WDFY1: variants seen among roughly 807,000 people sequenced by gnomAD.
The protein encoded by WDFY1 is WD repeat and FYVE domain-containing protein 1.
WDFY1 carries 32 observed loss-of-function variants against 56.4 expected under a neutral mutation model. The ratio of observed to expected loss-of-function variants is 0.57; its 90% CI spans 0.43 to 0.76. WDFY1 has a LOEUF of 0.76. Ranked by LOEUF, WDFY1 falls within the 30% of genes least tolerant of loss-of-function variation. The pLI is 0.00. For missense variants in WDFY1, 480 were observed against 545.7 expected (o/e 0.88, Z 1.20); for synonymous variants, 192 against 197.3 (o/e 0.97, Z 0.23).
chr2:223,937,392 C>G (rs1689204952), intron 1 of WDFY1, among the ~76,000 whole-genome samples: 1 of 152,126 alleles, frequency 6.6e-6, no homozygotes, highest in Admixed American at 6.5e-5. Flanking sequence ...CTTTCTCTGT[C>G]CCAGTCTTTA....
intron 1 of WDFY1, among the ~76,000 whole-genome samples, chr2:223,940,636 T>C (rs1689285520): frequency 1.4e-5 from 2 of 145,266 alleles, no homozygotes; most frequent in Non-Finnish European, 3.1e-5. Flanking sequence ...CCAAATTCCT[T>C]ATTTCTTTCT....
rs752988091 is a variant in WDFY1, at chr2:223,884,691, T to C, written c.890A>G (p.Asn297Ser). Residue 297 changes from asparagine to serine, a missense_variant, in exon 9 of 12, where the codon AAC becomes AGC. Transcript: ENST00000233055. The part of the protein sequence containing the change: ...CQKCEQPFFW[N>S]IKQMWDTKTL... ...CTTGGTGTCCCACATCTGCTTTATG[T>C]TCCAGAAAAATGGCTGCTCACATTT... The C allele has an allele frequency of 1.2e-6, 2 of 1,614,156 alleles. No homozygotes were observed. The highest frequency in any genetic ancestry group is 2.7e-5 in the African/African-American group (2 of 75,048).
chr2:223,882,095 G>A (rs749700443), intron 9 of WDFY1, 23 bp from the exon 10 acceptor site: 3 of 1,608,374 alleles, frequency 1.9e-6, no homozygotes, highest in African/African-American at 1.3e-5. Context: ...CCGGGAGGAG[G>A]AAAACAGGGT....
intron 8 of WDFY1, among the ~76,000 whole-genome samples, chr2:223,890,759 C>A: frequency 6.6e-6 from 1 of 152,210 alleles, no homozygotes; most frequent in East Asian, 1.9e-4. Context: ...GCACTCGTCA[C>A]ACTGCACTAG....
intron 4 of WDFY1, among the ~76,000 whole-genome samples, chr2:223,903,869 T>C (rs1281625196): frequency 1.3e-5 from 2 of 151,984 alleles, no homozygotes; most frequent in African/African-American, 2.4e-5. Context: ...CTCAAACTCC[T>C]TGGCTTCTCA....
rs890697573 is a variant in WDFY1, at chr2:223,881,528, G to A, written c.1064+414C>T. ...TTAGGGGCCAGGCACGGTGGCTCGC[G>A]CCTGTAATCCTGGCACTTTGAGAGG... On this transcript the variant is annotated intron_variant, in intron 10 of 11. Transcript: ENST00000233055. Among the ~76,000 whole-genome samples the A allele has an allele frequency of 2.0e-5, 3 of 152,174 alleles. No individual in the cohort carries two copies. In the South Asian group the frequency reaches 6.2e-4, roughly 31 times the overall value.
chr2:223,897,363 TATATATATATATATATATA>T (rs1693400410), intron 6 of WDFY1, among the ~76,000 whole-genome samples: 1 of 26,428 alleles, frequency 3.8e-5, no homozygotes, highest in Admixed American at 3.9e-4. Context: ...TATATATATA[TATATATATATATATATATA>T]TATATATATT....
chr2:223,937,243 A>AT (rs942071227), intron 1 of WDFY1, among the ~76,000 whole-genome samples: 2 of 152,198 alleles, frequency 1.3e-5, no homozygotes, highest in Admixed American at 6.5e-5. Flanking sequence ...AACAGGAAAA[A>AT]TTTTTTTATT....
intron 1 of WDFY1, among the ~76,000 whole-genome samples, chr2:223,938,834 AAG>A (rs1689246492): frequency 1.3e-5 from 2 of 149,552 alleles, no homozygotes; most frequent in South Asian, 4.2e-4. Flanking sequence ...GACAAAAAAA[AAG>A]AGGATAAAAT....
chr2:223,878,449 A>G lies in WDFY1; in HGVS notation c.*222T>C. 1 of 434,702 alleles carries G rather than the reference A, an allele frequency of 2.3e-6. No individual in the cohort carries two copies. The highest frequency in any genetic ancestry group is 4.1e-6 in the Non-Finnish European group (1 of 241,232). 26.9% of individuals were successfully genotyped at this position (434,702 alleles called of 1,614,324 possible). ...GGGGAAGTTTTGCTGAAGTAATTCC[A>G]GTCTTCAGGGAACCACTATGGACAG... On this transcript the variant is annotated 3_prime_UTR_variant, in exon 12 of 12. Coordinates refer to ENST00000233055, the MANE Select transcript of WDFY1 (RefSeq NM_020830.5).
In WDFY1 at chr2:223,912,293, C is replaced by T. The variant is rs769983135; in HGVS notation, c.239G>A (p.Ser80Asn). The part of the protein sequence containing the change: ...PCSAMAYHHD[S>N]RRIFVGQDNG... ...ATCCTGGCCCACAAATATCCGTCTG[C>T]TGTCATGATGGTAAGCCATAGCAGA... Residue 80 changes from serine (S) to asparagine (N), a missense_variant, in exon 3 of 12, where the codon AGC (serine) becomes AAC (asparagine). Physicochemically the swap from Ser to Asn is conservative, Grantham distance 46 (BLOSUM62 1). Coordinates refer to ENST00000233055, the MANE Select transcript of WDFY1 (RefSeq NM_020830.5). 1 of 1,611,036 alleles carries T rather than the reference C, an allele frequency of 6.2e-7. No homozygotes were observed. The highest frequency in any genetic ancestry group is 1.7e-5 in the Admixed American group (1 of 59,142).
intron 6 of WDFY1, among the ~76,000 whole-genome samples, chr2:223,897,507 G>A (rs1007930400): frequency 4.6e-5 from 7 of 151,518 alleles, no homozygotes; most frequent in Non-Finnish European, 8.8e-5. Context: ...GCCTCCCTGA[G>A]TAGCTGGGAC....
At chr2:223,889,696 G>A (rs1010463939) in intron 8 of WDFY1, among the ~76,000 whole-genome samples, 4 of 152,102 alleles carry the variant, frequency 2.6e-5, no homozygotes, top group African/African-American at 9.7e-5. Flanking sequence ...CCAGTCTCAG[G>A]CATATCTTTA....
chr2:223,906,253 T>C (rs1177588347), intron 3 of WDFY1, among the ~76,000 whole-genome samples: 1 of 152,218 alleles, frequency 6.6e-6, no homozygotes, highest in Non-Finnish European at 1.5e-5. Context: ...TGTCCACTTC[T>C]TCCTGCCCAG....
At chr2:223,904,024 T>TAC (rs1693556521) in intron 4 of WDFY1, among the ~76,000 whole-genome samples, 1 of 152,214 alleles carries the variant, frequency 6.6e-6, no homozygotes. Context: ...CGTAGGTATA[T>TAC]ACCTCATAAA....
intron 1 of WDFY1, among the ~76,000 whole-genome samples, chr2:223,943,184 TAAAAA>T (rs11311599): frequency 1.5e-5 from 2 of 137,184 alleles, no homozygotes; most frequent in Non-Finnish European, 3.1e-5. Context: ...GCCTCCATCT[TAAAAA>T]AAAAAAAAAA....
chr2:223,900,577 C>T (rs928776946), intron 5 of WDFY1, among the ~76,000 whole-genome samples: 13 of 152,048 alleles, frequency 8.5e-5, no homozygotes, highest in African/African-American at 3.1e-4. Flanking sequence ...TGATTTTTAG[C>T]ATTTTGGGGG....
At position 223,894,349 on chromosome 2, in the gene WDFY1, G is replaced by C; in HGVS notation, c.726-10C>G. 6.2e-7 allele frequency: 1 copy of C among 1,613,804 alleles called. No homozygotes were observed. The highest frequency in any genetic ancestry group is 8.5e-7 in the Non-Finnish European group (1 of 1,179,758). ...CGACTGCACCTTGTCACTGCAAACA[G>C]CACACACAACAGTCACTTGTCTCCA... On this transcript the variant is annotated splice_polypyrimidine_tract_variant and intron_variant, in intron 7 of 11. Transcript: ENST00000233055.
At position 223,897,388 on chromosome 2, in the gene WDFY1, A is replaced by ATTTTTTTT. The variant is rs1474375997; in HGVS notation, c.598+1569_598+1570insAAAAAAAA. 2.1e-3 allele frequency among the ~76,000 whole-genome samples: 262 copies of ATTTTTTTT among 125,044 alleles called. 6 individuals carry two copies. The highest frequency in any genetic ancestry group is 2.3e-3 in the Non-Finnish European group (141 of 61,780). The allele number at this position is 125,044 out of a possible 152,430, so 82.0% of individuals were successfully genotyped here. On this transcript the variant is annotated intron_variant, in intron 6 of 11. Transcript: ENST00000233055. ...TATATATATATATATATATATATAT[A>ATTTTTTTT]TATTTTTTAAGACGGAGTCTCTCTC...
Sources: gnomAD v4.1 joint callset for allele counts (sites outside exome capture counted in the v4.1 genomes callset) on GRCh38, gnomAD v4.1.1 for gene constraint, MANE v1.5 for transcripts, NCBI Gene and HGNC (gene_info 2026-07-23, HGNC 2026-07-21) for gene names.